Variants in CACNA2D3 observed in about 807,000 individuals in gnomAD.
CACNA2D3 encodes the protein voltage-dependent calcium channel subunit alpha-2/delta-3.
In CACNA2D3, 60 loss-of-function variants were observed where a neutral mutation model predicts 160.6. The ratio of observed to expected loss-of-function variants is 0.37; its 90% CI spans 0.30 to 0.46. The LOEUF (loss-of-function observed/expected upper bound fraction) is 0.46. Ranked by LOEUF, CACNA2D3 falls within the 20% of genes least tolerant of loss-of-function variation. The pLI is 1.00. For synonymous variants in CACNA2D3, 558 were observed against 492.9 expected, an observed-to-expected ratio of 1.13 and a Z score of -1.75; for missense variants, 1,205 against 1,365.0, an observed-to-expected ratio of 0.88 and a Z score of 1.85.
chr3:54,141,099 G>GCGCGCGCGCACGCGCGCA (rs1553731398), intron 2 of CACNA2D3, among the ~76,000 whole-genome samples: 1 of 121,128 alleles, frequency 8.3e-6, no homozygotes, highest in African/African-American at 3.5e-5. Flanking sequence ...GCGCGCGCGC[G>GCGCGCGCGCACGCGCGCA]TGTGTGCATG....
intron 11 of CACNA2D3, among the ~76,000 whole-genome samples, chr3:54,726,526 A>G (rs1293410457): frequency 6.6e-6 from 1 of 152,214 alleles, no homozygotes; most frequent in Non-Finnish European, 1.5e-5. Flanking sequence ...ACAAGACTAC[A>G]GTAACCAAAA....
chr3:54,207,690 C>T (rs1358142290), intron 2 of CACNA2D3, among the ~76,000 whole-genome samples: 1 of 151,990 alleles, frequency 6.6e-6, no homozygotes, highest in African/African-American at 2.4e-5. Flanking sequence ...GCACATTCCA[C>T]CATATGGGGA....
chr3:54,163,097 A>C (rs1313538593), intron 2 of CACNA2D3, among the ~76,000 whole-genome samples: 1 of 152,190 alleles, frequency 6.6e-6, no homozygotes. Flanking sequence ...GCCAGTGAGG[A>C]GGAGTGGTTG....
intron 3 of CACNA2D3, among the ~76,000 whole-genome samples, chr3:54,333,817 G>A (rs959900658): frequency 6.6e-6 from 1 of 152,248 alleles, no homozygotes; most frequent in Non-Finnish European, 1.5e-5. Context: ...TGGGTGGAGG[G>A]AACCTCGTAG....
chr3:54,380,468 G>A (rs529788356), intron 3 of CACNA2D3, among the ~76,000 whole-genome samples: 1 of 152,362 alleles, frequency 6.6e-6, no homozygotes, highest in South Asian at 2.1e-4. Context: ...GCCGGGTGCG[G>A]TGGCTCACAT....
At chr3:54,298,944 TAAAAAAAAAAAAAAA>T (rs59100168) in intron 2 of CACNA2D3, among the ~76,000 whole-genome samples, 1 of 99,254 alleles carries the variant, frequency 1.0e-5, no homozygotes, top group South Asian at 3.2e-4. Context: ...CTCTGTTTCT[TAAAAAAAAAAAAAAA>T]AAAAAAAAAA....
At chr3:54,253,209 A>T (rs1052221477) in intron 2 of CACNA2D3, among the ~76,000 whole-genome samples, 4 of 152,022 alleles carry the variant, frequency 2.6e-5, no homozygotes, top group Non-Finnish European at 5.9e-5. Context: ...TCTGAGAGCA[A>T]GAGAGTATGG....
chr3:54,550,391 G>A (rs962844696), intron 5 of CACNA2D3, among the ~76,000 whole-genome samples: 10 of 152,232 alleles, frequency 6.6e-5, no homozygotes, highest in African/African-American at 2.4e-4. Context: ...GAGCGTGATG[G>A]AGTGCGAGGG....
intron 4 of CACNA2D3, among the ~76,000 whole-genome samples, chr3:54,473,468 C>A (rs1157278440): frequency 1.3e-5 from 2 of 152,140 alleles, no homozygotes; most frequent in Admixed American, 1.3e-4. Flanking sequence ...AGGACATAGG[C>A]ATGGGCAAAG....
chr3:54,150,035 G>A (rs1014588627), intron 2 of CACNA2D3, among the ~76,000 whole-genome samples: 2 of 143,896 alleles, frequency 1.4e-5, no homozygotes, highest in Non-Finnish European at 3.0e-5. Flanking sequence ...CTCTCTTTCT[G>A]TCTCATATGG....
At chr3:54,993,011 G>A (rs559813299) in intron 31 of CACNA2D3, among the ~76,000 whole-genome samples, 50 of 152,210 alleles carry the variant, frequency 3.3e-4, no homozygotes, top group Middle Eastern at 3.4e-3. Flanking sequence ...ACGAGATCTC[G>A]TGAGCACTCA....
At position 54,642,159 on chromosome 3, in the gene CACNA2D3, G is replaced by A; in HGVS notation, c.1085G>A (p.Ser362Asn). 6.2e-7 allele frequency: 1 copy of A among 1,613,130 alleles called. No homozygotes were observed. The highest frequency in any genetic ancestry group is 1.1e-5 in the South Asian group (1 of 90,804). The stretch of plus-strand genomic sequence containing the variant: ...CACACGGGACAAGGAAGTATCTGCA[G>A]TCAGGCCATCATGCTCATAACTGAT... Reference protein sequence around the residue: ...FNHTGQGSICSQAIMLITDGA... With the variant: ...FNHTGQGSICNQAIMLITDGA... Residue 362 changes from serine (S) to asparagine (N), a missense_variant, in exon 11 of 38, where the codon AGT (serine) becomes AAT (asparagine). Ser to Asn is a conservative substitution (Grantham distance 46, BLOSUM62 1). Around this residue, in one of 3 missense-constraint regions of CACNA2D3, gnomAD observed 911 missense variants for 1,002.2 expected, o/e 0.91. Transcript: ENST00000474759.
chr3:54,718,652 C>T (rs1345078976), intron 11 of CACNA2D3, among the ~76,000 whole-genome samples: 3 of 151,960 alleles, frequency 2.0e-5, no homozygotes, highest in Non-Finnish European at 4.4e-5. Flanking sequence ...TGTCTTTGCT[C>T]TTCTTGGTTC....
chr3:54,621,902 A>G (rs1698994814), intron 9 of CACNA2D3, among the ~76,000 whole-genome samples: 2 of 152,232 alleles, frequency 1.3e-5, no homozygotes, highest in African/African-American at 4.8e-5. Context: ...TTTAGTGAAT[A>G]TGAAATGAAA....
intron 4 of CACNA2D3, among the ~76,000 whole-genome samples, chr3:54,401,482 A>G (rs1699463563): frequency 6.6e-6 from 1 of 152,254 alleles, no homozygotes. Flanking sequence ...TGACAAAGAG[A>G]TAATTTTAAA....
intron 2 of CACNA2D3, among the ~76,000 whole-genome samples, chr3:54,182,283 T>C (rs1700798679): frequency 6.6e-6 from 1 of 152,236 alleles, no homozygotes. Flanking sequence ...TTTGCTTGAT[T>C]GGTATTTTTA....
intron 2 of CACNA2D3, among the ~76,000 whole-genome samples, chr3:54,249,697 A>ACACCC (rs1491291745): frequency 6.9e-6 from 1 of 144,560 alleles, no homozygotes; most frequent in Non-Finnish European, 1.5e-5. Flanking sequence ...ACACACACAC[A>ACACCC]CCCCTCATCC....
chr3:54,473,153 C>A (rs537311057), intron 4 of CACNA2D3, among the ~76,000 whole-genome samples: 3 of 152,108 alleles, frequency 2.0e-5, no homozygotes, highest in Non-Finnish European at 2.9e-5. Flanking sequence ...CTACAGTAAC[C>A]AAAACAGCAT....
intron 4 of CACNA2D3, among the ~76,000 whole-genome samples, chr3:54,472,718 C>A (rs896201019): frequency 6.6e-6 from 1 of 152,128 alleles, no homozygotes; most frequent in African/African-American, 2.4e-5. Flanking sequence ...GTGCAAAAAT[C>A]ATAAACATTT....
Sources: gnomAD v4.1 joint callset for allele counts (sites outside exome capture counted in the v4.1 genomes callset) on GRCh38, gnomAD v4.1.1 for gene constraint, gnomAD v4.1.1 regional missense constraint, MANE v1.5 for transcripts, NCBI Gene and HGNC (gene_info 2026-07-23, HGNC 2026-07-21) for gene names.